LRRC38: variants seen among roughly 807,000 people sequenced by gnomAD.
LRRC38 encodes the protein leucine-rich repeat-containing protein 38.
LRRC38 carries 5 observed loss-of-function variants against 16.4 expected under a neutral mutation model. That is an observed-to-expected ratio of 0.31 (90% CI 0.16 to 0.64). LRRC38 has a LOEUF of 0.64. Among genes scored for constraint, LRRC38 ranks in the 30% least tolerant of loss-of-function variants. LRRC38 has a pLI of 0.80. For synonymous variants in LRRC38, 191 were observed against 190.2 expected (o/e 1.00, Z -0.04); for missense variants, 341 against 401.8 (o/e 0.85, Z 1.29).
At chr1:13,492,973 GCCAC>G (rs1381839766) in intron 1 of LRRC38, among the ~76,000 whole-genome samples, 1 of 152,190 alleles carries the variant, frequency 6.6e-6, no homozygotes, top group Non-Finnish European at 1.5e-5. Context: ...TTCCCTGGGG[GCCAC>G]GCTATCCCTG....
intron 1 of LRRC38, among the ~76,000 whole-genome samples, chr1:13,508,383 T>C (rs1439406699): frequency 6.6e-6 from 1 of 152,212 alleles, no homozygotes; most frequent in Non-Finnish European, 1.5e-5. Flanking sequence ...CCCACACTTC[T>C]AACAACAGGG....
At chr1:13,510,165 T>A (rs1421791277) in intron 1 of LRRC38, among the ~76,000 whole-genome samples, 1 of 152,128 alleles carries the variant, frequency 6.6e-6, no homozygotes, top group Non-Finnish European at 1.5e-5. Flanking sequence ...AGGATCCTCT[T>A]TGCTCCTTCC....
At chr1:13,504,962 C>T (rs1245911870) in intron 1 of LRRC38, among the ~76,000 whole-genome samples, 1 of 152,054 alleles carries the variant, frequency 6.6e-6, no homozygotes, top group Non-Finnish European at 1.5e-5. Context: ...GTTTCCTGTG[C>T]CCCAGTTCTG....
intron 1 of LRRC38, among the ~76,000 whole-genome samples, chr1:13,504,766 A>AGGGGAG (rs1639190790): frequency 6.9e-5 from 4 of 57,718 alleles, no homozygotes; most frequent in African/African-American, 3.7e-4. Flanking sequence ...GGGGAGGGGA[A>AGGGGAG]GGGAGGGAAG....
At chr1:13,510,659 G>C (rs1639263703) in intron 1 of LRRC38, among the ~76,000 whole-genome samples, 1 of 151,446 alleles carries the variant, frequency 6.6e-6, no homozygotes, top group South Asian at 2.1e-4. Flanking sequence ...TGCAGGAGGA[G>C]GAGGGAGGGG....
At position 13,508,462 on chromosome 1, in the gene LRRC38, A is replaced by T. The variant is rs60720879; in HGVS notation, c.631+4501T>A. Among the ~76,000 whole-genome samples, 378 of 152,336 alleles carry T rather than the reference A, an allele frequency of 2.5e-3. 2 individuals are homozygous for T. The highest frequency in any genetic ancestry group is 4.5e-3 in the Non-Finnish European group (309 of 68,038). On this transcript the variant is annotated intron_variant, in intron 1 of 1. Coordinates refer to ENST00000376085, the MANE Select transcript of LRRC38 (RefSeq NM_001010847.2). The stretch of plus-strand genomic sequence containing the variant: ...GCCATTTCAAGTTAAATCCTCCGAC[A>T]ACTGTAATGACAGGAAATGCTCCCA...
chr1:13,490,668 CT>C (rs950226172), intron 1 of LRRC38, among the ~76,000 whole-genome samples: 3 of 152,018 alleles, frequency 2.0e-5, no homozygotes, highest in Non-Finnish European at 4.4e-5. Context: ...TAACCTGTGT[CT>C]GGTGACTATG....
intron 1 of LRRC38, among the ~76,000 whole-genome samples, chr1:13,481,276 T>C (rs6678212): frequency 0.012 from 1,792 of 152,222 alleles, 50 homozygotes; most frequent in African/African-American, 0.041. Flanking sequence ...AATGTCCAGT[T>C]AATTTTTTTG....
chr1:13,512,877 A>C lies in LRRC38; in HGVS notation c.631+86T>G, dbSNP rs1639289287. 3 of 1,392,754 alleles carry C rather than the reference A, an allele frequency of 2.2e-6. No individual in the cohort carries two copies. In the Admixed American group the frequency reaches 7.9e-5, roughly 37 times the overall value. The allele number at this position is 1,392,754 out of a possible 1,614,324, so 86.3% of individuals were successfully genotyped here. On this transcript the variant is annotated intron_variant, in intron 1 of 1. Transcript: ENST00000376085. ...AAGCCTCCTCTTCCAAACTCAACCC[A>C]CGGCTCCTCCCACCCAGACTGGGGT...
chr1:13,509,959 G>A (rs1047791236), intron 1 of LRRC38, among the ~76,000 whole-genome samples: 1 of 152,116 alleles, frequency 6.6e-6, no homozygotes, highest in African/African-American at 2.4e-5. Context: ...TCATTCAGTC[G>A]TAGATCTGGG....
intron 1 of LRRC38, among the ~76,000 whole-genome samples, chr1:13,506,534 T>G (rs1225058749): frequency 2.0e-5 from 3 of 152,172 alleles, no homozygotes; most frequent in Non-Finnish European, 4.4e-5. Context: ...CTCGGCTCAC[T>G]GCAACCTCCA....
At chr1:13,508,956 G>A (rs929876223) in intron 1 of LRRC38, among the ~76,000 whole-genome samples, 4 of 152,148 alleles carry the variant, frequency 2.6e-5, no homozygotes, top group East Asian at 1.9e-4. Flanking sequence ...GGGGTTAAAC[G>A]ACATGACCTG....
chr1:13,475,613 G>A lies in LRRC38; in HGVS notation c.*233C>T. ...ACACACACCTCGATCTGAGAGGCAG[G>A]TTATGCTCCAGGAATAATTCCCTCC... On this transcript the variant is annotated 3_prime_UTR_variant, in exon 2 of 2. Coordinates refer to ENST00000376085, the MANE Select transcript of LRRC38 (RefSeq NM_001010847.2). The surrounding 1 kb of genome is among the most constrained non-coding windows in gnomAD (Gnocchi z 4.3). The A allele has an allele frequency of 5.6e-6, 3 of 537,042 alleles. No individual in the cohort carries two copies. The highest frequency in any genetic ancestry group is 9.8e-6 in the Non-Finnish European group (3 of 305,310). 33.3% of individuals were successfully genotyped at this position (537,042 alleles called of 1,614,324 possible).
Position 13,475,712 on chromosome 1 carries a change from C to A in LRRC38, c.*134G>T. 1 of 1,184,578 alleles carries A rather than the reference C, an allele frequency of 8.4e-7. No individual in the cohort carries two copies. The highest frequency in any genetic ancestry group is 2.9e-4 in the Middle Eastern group (1 of 3,444). The allele number at this position is 1,184,578 out of a possible 1,614,324, so 73.4% of individuals were successfully genotyped here. A position where few individuals can be genotyped will look rare whatever the true frequency, so the allele number is the denominator to read the frequency against. ...TGGTCCCAGCAGGTGTACCCAGGGG[C>A]CAAGACACGGAACAGGCTCTGTTCA... On this transcript the variant is annotated 3_prime_UTR_variant, in exon 2 of 2. Coordinates refer to ENST00000376085, the MANE Select transcript of LRRC38 (RefSeq NM_001010847.2). This position sits in a 1 kb window ranked among gnomAD's most constrained non-coding sequence, Gnocchi z 4.3.
intron 1 of LRRC38, among the ~76,000 whole-genome samples, chr1:13,482,611 C>T (rs1280753569): frequency 6.6e-6 from 1 of 151,640 alleles, no homozygotes; most frequent in Non-Finnish European, 1.5e-5. Flanking sequence ...AGTGCAACGC[C>T]CCACAAGACA....
chr1:13,511,166 G>A (rs545073878), intron 1 of LRRC38, among the ~76,000 whole-genome samples: 1 of 152,308 alleles, frequency 6.6e-6, no homozygotes, highest in East Asian at 1.9e-4. Flanking sequence ...ATCACAGACA[G>A]CAGGAGGAGG....
At chr1:13,507,537 A>C (rs1386435474) in intron 1 of LRRC38, among the ~76,000 whole-genome samples, 1 of 152,214 alleles carries the variant, frequency 6.6e-6, no homozygotes, top group Admixed American at 6.5e-5. Context: ...AAATGAGAAT[A>C]AAAAACACTG....
At chr1:13,500,190 G>T (rs999533485) in intron 1 of LRRC38, among the ~76,000 whole-genome samples, 7 of 151,386 alleles carry the variant, frequency 4.6e-5, no homozygotes, top group African/African-American at 1.7e-4. Flanking sequence ...GGGAGGCAGA[G>T]ATTGCAGTGA....
In LRRC38 at chr1:13,508,080, T is replaced by A. The variant is rs530779081; in HGVS notation, c.631+4883A>T. On this transcript the variant is annotated intron_variant, in intron 1 of 1. Transcript: ENST00000376085. ...GGTAAAACCCCGTCTCTACTAAAAA[T>A]GCAAAAATTAGCCTGGCATGGTGGC... 3.3e-5 allele frequency among the ~76,000 whole-genome samples: 5 copies of A among 151,992 alleles called. No individual in the cohort carries two copies. The South Asian group carries it at 1.0e-3, about 32-fold the overall frequency.
Sources: gnomAD v4.1 joint callset for allele counts (sites outside exome capture counted in the v4.1 genomes callset) on GRCh38, gnomAD v4.1.1 for gene constraint, Gnocchi (gnomAD v3.1) non-coding constraint, MANE v1.5 for transcripts, NCBI Gene and HGNC (gene_info 2026-07-23, HGNC 2026-07-21) for gene names.